The following LRRC28 variants were observed in gnomAD, a reference collection of about 807,000 sequenced individuals.
The protein encoded by LRRC28 is leucine rich repeat containing 28.
LRRC28 carries 39 observed loss-of-function variants against 45.7 expected under a neutral mutation model. The observed-to-expected ratio is 0.85, with a 90% confidence interval of 0.66 to 1.12. LRRC28 has a LOEUF of 1.12. Among genes scored for constraint, LRRC28 ranks in the 50% most tolerant of loss-of-function variants. LRRC28 has a pLI of 0.00. For synonymous variants in LRRC28, 206 were observed against 178.8 expected (o/e 1.15, Z -1.22); for missense variants, 435 against 438.5 (o/e 0.99, Z 0.07).
chr15:99,295,971 G>GAATT (rs1242783781), intron 5 of LRRC28, among the ~76,000 whole-genome samples: 10 of 152,190 alleles, frequency 6.6e-5, no homozygotes, highest in African/African-American at 2.4e-4. Flanking sequence ...ATTGCCACCT[G>GAATT]AATTGTTGTG....
At chr15:99,309,529 C>T (rs1382251681) in intron 5 of LRRC28, among the ~76,000 whole-genome samples, 1 of 152,196 alleles carries the variant, frequency 6.6e-6, no homozygotes, top group Non-Finnish European at 1.5e-5. Flanking sequence ...CTGCCTCAGC[C>T]TCCTGAGTAG....
intron 6 of LRRC28, among the ~76,000 whole-genome samples, chr15:99,344,689 GGAAA>G (rs1956624298): frequency 6.6e-6 from 1 of 152,062 alleles, no homozygotes; most frequent in Non-Finnish European, 1.5e-5. Context: ...ATTAACATAG[GGAAA>G]GAAGACTAAA....
chr15:99,278,951 A>G (rs975862706), intron 3 of LRRC28, among the ~76,000 whole-genome samples: 9 of 152,212 alleles, frequency 5.9e-5, no homozygotes, highest in African/African-American at 2.2e-4. Context: ...GATGTTGGCT[A>G]GAGCACTTCC....
chr15:99,328,703 C>T (rs1490218985), intron 5 of LRRC28, among the ~76,000 whole-genome samples: 1 of 147,220 alleles, frequency 6.8e-6, no homozygotes, highest in East Asian at 2.0e-4. Flanking sequence ...ATCTAGTAGG[C>T]CAGAGAGGAC....
At chr15:99,293,706 T>C (rs2082195341) in intron 5 of LRRC28, among the ~76,000 whole-genome samples, 1 of 149,978 alleles carries the variant, frequency 6.7e-6, no homozygotes, top group East Asian at 2.0e-4. Flanking sequence ...AGACACAGTC[T>C]TGCTGTGTTG....
At chr15:99,384,996 G>A (rs186014689) in intron 9 of LRRC28, among the ~76,000 whole-genome samples, 1 of 152,178 alleles carries the variant, frequency 6.6e-6, no homozygotes, top group Non-Finnish European at 1.5e-5. Flanking sequence ...ACTGAGGCAC[G>A]CAGGGACTCA....
chr15:99,279,846 A>G (rs1245208878), intron 3 of LRRC28, among the ~76,000 whole-genome samples: 1 of 151,958 alleles, frequency 6.6e-6, no homozygotes, highest in Non-Finnish European at 1.5e-5. Context: ...GGAGGTTCTT[A>G]CTCTACCACT....
At chr15:99,357,387 C>A (rs1360039967) in intron 7 of LRRC28, among the ~76,000 whole-genome samples, 2 of 152,172 alleles carry the variant, frequency 1.3e-5, no homozygotes, top group Admixed American at 6.6e-5. Context: ...CCCAAATGTC[C>A]ATCATTACTG....
intron 5 of LRRC28, among the ~76,000 whole-genome samples, chr15:99,314,804 G>A (rs1510058): frequency 1.2e-4 from 18 of 152,162 alleles, no homozygotes; most frequent in African/African-American, 3.9e-4. Flanking sequence ...TCATTTTAGC[G>A]AATTATTCTT....
intron 6 of LRRC28, among the ~76,000 whole-genome samples, chr15:99,347,569 A>G (rs1956734161): frequency 6.6e-6 from 1 of 152,220 alleles, no homozygotes; most frequent in Admixed American, 6.5e-5. Flanking sequence ...TATTTCACTT[A>G]GTATAATGTC....
intron 7 of LRRC28, among the ~76,000 whole-genome samples, chr15:99,359,694 T>C (rs1957144993): frequency 1.3e-5 from 2 of 152,196 alleles, no homozygotes; most frequent in Non-Finnish European, 2.9e-5. Flanking sequence ...GTTGTATGTG[T>C]AGTAGGAGAG....
At chr15:99,354,000 G>A (rs1460032217) in intron 7 of LRRC28, 1 of 152,042 alleles carries the variant, frequency 6.6e-6, no homozygotes, top group Non-Finnish European at 1.5e-5. Context: ...CAAATTATTA[G>A]GTAATAGTCT....
At chr15:99,258,797 C>T (rs1362060738) in intron 2 of LRRC28, 11 of 695,574 alleles carry the variant, frequency 1.6e-5, no homozygotes, top group East Asian at 1.4e-4. Context: ...ATTTGTTCCA[C>T]GTGGCCTATT....
At chr15:99,269,478 A>G (rs1043528675) in intron 2 of LRRC28, among the ~76,000 whole-genome samples, 4 of 151,878 alleles carry the variant, frequency 2.6e-5, no homozygotes, top group African/African-American at 9.7e-5. Flanking sequence ...AACTCAGCTT[A>G]CTGCAACCTC....
chr15:99,313,020 C>A (rs1448197539), intron 5 of LRRC28, among the ~76,000 whole-genome samples: 1 of 152,040 alleles, frequency 6.6e-6, no homozygotes, highest in Non-Finnish European at 1.5e-5. Flanking sequence ...AAGCAAGACC[C>A]AAACTATATT....
At chr15:99,314,262 T>G (rs1955513361) in intron 5 of LRRC28, among the ~76,000 whole-genome samples, 1 of 151,872 alleles carries the variant, frequency 6.6e-6, no homozygotes, top group Non-Finnish European at 1.5e-5. Flanking sequence ...CTGGGGAACA[T>G]GATGAAACCC....
intron 5 of LRRC28, among the ~76,000 whole-genome samples, chr15:99,290,269 G>GA (rs200910633): frequency 0.02 from 2,418 of 118,332 alleles, 66 homozygotes; most frequent in African/African-American, 0.064. Context: ...AAAAAAAAAA[G>GA]AAAAAAAGAA....
chr15:99,253,878 G>A (rs1597134164), intron 1 of LRRC28, among the ~76,000 whole-genome samples: 1 of 152,190 alleles, frequency 6.6e-6, no homozygotes. Flanking sequence ...CCTTGTGATA[G>A]ATTGGAGGTG....
At chr15:99,358,250 A>G (rs1216082707) in intron 7 of LRRC28, among the ~76,000 whole-genome samples, 5 of 152,246 alleles carry the variant, frequency 3.3e-5, no homozygotes, top group Admixed American at 3.3e-4. Flanking sequence ...CAAGAAAGGA[A>G]CAGAATCTAT....
Sources: allele counts gnomAD v4.1 joint callset (sites outside exome capture counted in the v4.1 genomes callset), GRCh38; gene constraint gnomAD v4.1.1; transcripts MANE v1.5; gene names NCBI Gene and HGNC (gene_info 2026-07-23, HGNC 2026-07-21).